TMLHE: variants seen among roughly 807,000 people sequenced by gnomAD.
TMLHE encodes the protein trimethyllysine dioxygenase, mitochondrial.
A neutral mutation model predicts 25.7 loss-of-function variants in TMLHE; 18 were observed. That is an observed-to-expected ratio of 0.70 (90% CI 0.48 to 1.04). TMLHE has a LOEUF of 1.04. Among genes scored for constraint, TMLHE ranks in the 50% least tolerant of loss-of-function variants. The probability of loss-of-function intolerance (pLI) is 0.00; values close to 1 mark genes in which losing one functional copy is unlikely to be tolerated. For synonymous variants in TMLHE, 105 were observed against 97.0 expected, an observed-to-expected ratio of 1.08 and a Z score of -0.49; for missense variants, 236 against 259.0, an observed-to-expected ratio of 0.91 and a Z score of 0.61.
intron 2 of TMLHE, among the ~76,000 whole-genome samples, chrX:155,525,059 T>G (rs1304015185): frequency 9.0e-6 from 1 of 111,605 alleles, no homozygotes; most frequent in Non-Finnish European, 1.9e-5. Flanking sequence ...ATTTAGAAAA[T>G]GAAACCATTC....
chrX:155,589,463 A>C (rs1241711871), intron 1 of TMLHE, among the ~76,000 whole-genome samples: 1 of 111,936 alleles, frequency 8.9e-6, no homozygotes, highest in Non-Finnish European at 1.9e-5. Context: ...AACAAACAAA[A>C]AAACAATGAA....
intron 1 of TMLHE, among the ~76,000 whole-genome samples, chrX:155,558,382 A>C (rs1402463781): frequency 9.0e-6 from 1 of 111,601 alleles, no homozygotes; most frequent in Non-Finnish European, 1.9e-5. Flanking sequence ...AATAGTCTTT[A>C]TGTGTTTCTT....
intron 1 of TMLHE, among the ~76,000 whole-genome samples, chrX:155,547,210 T>C (rs1457519326): frequency 2.1e-5 from 2 of 93,759 alleles, no homozygotes; most frequent in Non-Finnish European, 4.4e-5. Context: ...AGTGGCGCTA[T>C]CTCGGCTCAC....
At chrX:155,574,027 A>G (rs1557343540) in intron 1 of TMLHE, among the ~76,000 whole-genome samples, 1 of 107,643 alleles carries the variant, frequency 9.3e-6, no homozygotes, top group Non-Finnish European at 1.9e-5. Context: ...CAGAGCACAC[A>G]CACACACGAA....
At chrX:155,534,623 G>A (rs1045683228) in intron 2 of TMLHE, among the ~76,000 whole-genome samples, 2 of 111,413 alleles carry the variant, frequency 1.8e-5, no homozygotes, top group African/African-American at 6.5e-5. Context: ...TGGTTTCACA[G>A]GAGAAGAAAT....
intron 1 of TMLHE, among the ~76,000 whole-genome samples, chrX:155,550,568 G>A (rs990387365): frequency 5.4e-5 from 6 of 110,867 alleles, no homozygotes; most frequent in East Asian, 5.6e-4. Context: ...TTCTTTTCAC[G>A]CCCTTAATTC....
At position 155,558,415 on chromosome X, in the gene TMLHE, AT is replaced by A. The variant is rs1557341195; in HGVS notation, c.-1-13139del. 2.1e-4 allele frequency among the ~76,000 whole-genome samples: 23 copies of A among 111,697 alleles called. 1 individual carries two copies. The highest frequency in any genetic ancestry group is 2.8e-4 in the Non-Finnish European group (15 of 53,009). Reference sequence around the variant, plus strand: ...CTTCTTAATACATTATGTTGAAATGATATGTTTATATGTCTTTCCCCCTAAT... The same window carrying A: ...CTTCTTAATACATTATGTTGAAATGAATGTTTATATGTCTTTCCCCCTAAT... On this transcript the variant is annotated intron_variant, in intron 1 of 7. Transcript: ENST00000334398.
intron 2 of TMLHE, among the ~76,000 whole-genome samples, chrX:155,526,798 T>G (rs1037824837): frequency 7.1e-5 from 8 of 113,036 alleles, no homozygotes; most frequent in Non-Finnish European, 5.6e-5. Flanking sequence ...AAGGAGATTA[T>G]TTTGGAGCTT....
At position 155,506,886 on chromosome X, in the gene TMLHE, T is replaced by A. The variant is rs782482709; in HGVS notation, c.995+12A>T. On this transcript the variant is annotated intron_variant, in intron 6 of 7. Coordinates refer to ENST00000334398, the MANE Select transcript of TMLHE (RefSeq NM_018196.4). ...AATATATTACAGTTGGGGATAGTTC[T>A]TTGATACTCACCTGATCAAATACAG... The A allele has an allele frequency of 8.4e-7, 1 of 1,193,555 alleles. No homozygotes were observed.
At chrX:155,522,511 A>T (rs1428737121) in intron 3 of TMLHE, among the ~76,000 whole-genome samples, 2 of 111,904 alleles carry the variant, frequency 1.8e-5, no homozygotes, top group Non-Finnish European at 3.8e-5. Flanking sequence ...ACTCAACCAT[A>T]TGACTCCTTC....
intron 1 of TMLHE, among the ~76,000 whole-genome samples, chrX:155,547,712 A>G (rs1557339045): frequency 9.4e-6 from 1 of 105,968 alleles, no homozygotes; most frequent in East Asian, 2.9e-4. Context: ...AATAAAACTG[A>G]TTGTAAAAAA....
chrX:155,540,840 G>A (rs1454180904), intron 2 of TMLHE, among the ~76,000 whole-genome samples: 1 of 110,534 alleles, frequency 9.0e-6, no homozygotes, highest in African/African-American at 3.3e-5. Context: ...AAAAGATGAA[G>A]TAAAATTGTC....
At position 155,553,487 on chromosome X, in the gene TMLHE, G is replaced by A. The variant is rs986325233; in HGVS notation, c.-1-8210C>T. On this transcript the variant is annotated intron_variant, in intron 1 of 7. Transcript: ENST00000334398. ...GTCTGGTATTAATATAGCTATATCA[G>A]CTTTCTTTTGGGTAGTATCTGCATT... Among the ~76,000 whole-genome samples, 4 of 108,758 alleles carry A rather than the reference G, an allele frequency of 3.7e-5. No individual in the cohort carries two copies. In the East Asian group the frequency reaches 1.1e-3, roughly 31 times the overall value. 94.4% of individuals were successfully genotyped at this position (108,758 alleles called of 115,157 possible).
chrX:155,593,806 T>C (rs2067705748), intron 1 of TMLHE, among the ~76,000 whole-genome samples: 1 of 109,711 alleles, frequency 9.1e-6, no homozygotes, highest in East Asian at 2.8e-4. Flanking sequence ...AAAATTTCAA[T>C]AGAATATATC....
chrX:155,599,623 G>A (rs1383232580), intron 1 of TMLHE, among the ~76,000 whole-genome samples: 3 of 112,062 alleles, frequency 2.7e-5, no homozygotes, highest in East Asian at 5.5e-4. Flanking sequence ...AGCCTGTTAA[G>A]GGGTACTAAA....
At chrX:155,511,401 A>G (rs782650337) in intron 5 of TMLHE, among the ~76,000 whole-genome samples, 2 of 102,154 alleles carry the variant, frequency 2.0e-5, no homozygotes, top group East Asian at 6.3e-4. Flanking sequence ...TATAGCCTGC[A>G]GAACCATGAG....
At chrX:155,514,906 A>G (rs1424292143) in intron 3 of TMLHE, among the ~76,000 whole-genome samples, 5 of 111,813 alleles carry the variant, frequency 4.5e-5, no homozygotes, top group Non-Finnish European at 9.4e-5. Context: ...CCACCCAAAA[A>G]AAGTTGAAAA....
At chrX:155,573,686 A>G (rs1211587444) in intron 1 of TMLHE, among the ~76,000 whole-genome samples, 1 of 55,178 alleles carries the variant, frequency 1.8e-5, no homozygotes, top group African/African-American at 4.3e-5. Flanking sequence ...CTTTGTAGGG[A>G]CATGGATGAA....
chrX:155,575,519 T>C (rs2067584485), intron 1 of TMLHE, among the ~76,000 whole-genome samples: 1 of 111,870 alleles, frequency 8.9e-6, no homozygotes, highest in African/African-American at 3.2e-5. Flanking sequence ...ACGCCAAGGA[T>C]GATAAACACA....
Sources: gnomAD v4.1 joint callset for allele counts (sites outside exome capture counted in the v4.1 genomes callset) on GRCh38, gnomAD v4.1.1 for gene constraint, MANE v1.5 for transcripts, NCBI Gene and HGNC (gene_info 2026-07-23, HGNC 2026-07-21) for gene names.